NAV2: variants seen among roughly 807,000 people sequenced by gnomAD.
NAV2 encodes the protein neuron navigator 2.
In NAV2, 54 loss-of-function variants were observed where a neutral mutation model predicts 223.2. The ratio of observed to expected loss-of-function variants is 0.24; its 90% CI spans 0.19 to 0.30. The LOEUF (loss-of-function observed/expected upper bound fraction) is 0.30, where lower values mean the gene tolerates loss of function less well. Ranked by LOEUF, NAV2 falls within the 10% of genes least tolerant of loss-of-function variation. The pLI, the probability that NAV2 is intolerant of heterozygous loss-of-function variation, is 1.00. For synonymous variants in NAV2, 1,279 were observed against 1,239.3 expected (o/e 1.03, Z -0.67); for missense variants, 2,806 against 3,147.5 (o/e 0.89, Z 2.60).
At chr11:19,921,540 T>A (rs2044271122) in intron 6 of NAV2, among the ~76,000 whole-genome samples, 1 of 152,222 alleles carries the variant, frequency 6.6e-6, no homozygotes, top group African/African-American at 2.4e-5. Context: ...GTCAACAAAC[T>A]TTGTTGTAAA....
At chr11:19,473,911 G>A (rs2042039002) in intron 1 of NAV2, among the ~76,000 whole-genome samples, 1 of 152,202 alleles carries the variant, frequency 6.6e-6, no homozygotes, top group Non-Finnish European at 1.5e-5. Context: ...GACATAAAAG[G>A]TTATGACCTC....
intron 1 of NAV2, among the ~76,000 whole-genome samples, chr11:19,823,880 A>G (rs1410491985): frequency 2.0e-5 from 3 of 151,948 alleles, no homozygotes; most frequent in African/African-American, 7.3e-5. Flanking sequence ...ACAAACCTGC[A>G]CGTTCTACAC....
chr11:19,982,231 T>G (rs963147858), intron 10 of NAV2, among the ~76,000 whole-genome samples: 5 of 142,894 alleles, frequency 3.5e-5, no homozygotes, highest in Non-Finnish European at 7.5e-5. Flanking sequence ...TATTTATTTT[T>G]GGGGTTTTCT....
At chr11:20,075,080 T>A (rs1476814616) in intron 22 of NAV2, among the ~76,000 whole-genome samples, 1 of 152,248 alleles carries the variant, frequency 6.6e-6, no homozygotes, top group Non-Finnish European at 1.5e-5. Flanking sequence ...ATCCAGGCCC[T>A]GGCCTGTTTC....
At chr11:19,869,128 T>C in intron 4 of NAV2, 131 bp downstream of exon 4, 1 of 856,934 alleles carries the variant, frequency 1.2e-6, no homozygotes, top group Non-Finnish European at 1.8e-6. Flanking sequence ...TTCCTTTATG[T>C]TGCTCAGTGG....
At chr11:19,705,649 C>T (rs1012181144) in intron 1 of NAV2, among the ~76,000 whole-genome samples, 1 of 151,890 alleles carries the variant, frequency 6.6e-6, no homozygotes, top group Admixed American at 6.6e-5. Context: ...CCTTCTGTGC[C>T]AAAACAACCC....
intron 6 of NAV2, among the ~76,000 whole-genome samples, chr11:19,897,223 G>T (rs573777813): frequency 5.1e-4 from 77 of 152,162 alleles, no homozygotes; most frequent in African/African-American, 1.8e-3. Flanking sequence ...TCACACACCG[G>T]GGCCTGTTGT....
intron 4 of NAV2, among the ~76,000 whole-genome samples, chr11:19,870,039 C>T (rs2062375597): frequency 2.0e-5 from 3 of 152,074 alleles, no homozygotes; most frequent in Admixed American, 6.5e-5. Flanking sequence ...GGATGTATTG[C>T]GTCTCTGAGT....
At chr11:19,662,066 A>G (rs1461015678) in intron 1 of NAV2, among the ~76,000 whole-genome samples, 2 of 152,212 alleles carry the variant, frequency 1.3e-5, no homozygotes, top group Admixed American at 1.3e-4. Flanking sequence ...AAGTGGGGGT[A>G]CAGCAGCCAC....
intron 31 of NAV2, 101 bp from the exon 32 acceptor site, chr11:20,100,836 G>A (rs957128356): frequency 6.3e-6 from 6 of 946,802 alleles, no homozygotes; most frequent in South Asian, 3.0e-5. Context: ...GGACTGCCGA[G>A]GAGAGGAATC....
At chr11:19,423,308 C>T (rs533631719) in intron 1 of NAV2, among the ~76,000 whole-genome samples, 1 of 152,320 alleles carries the variant, frequency 6.6e-6, no homozygotes, top group East Asian at 1.9e-4. Flanking sequence ...CTGGTAAGCA[C>T]CCAACCACTG....
intron 1 of NAV2, among the ~76,000 whole-genome samples, chr11:19,393,157 T>A (rs2133233061): frequency 6.6e-6 from 1 of 152,338 alleles, no homozygotes; most frequent in East Asian, 1.9e-4. Flanking sequence ...ATCCCTCTTT[T>A]CTCTTTGAAA....
At chr11:19,477,909 C>T (rs145655220) in intron 1 of NAV2, among the ~76,000 whole-genome samples, 101 of 152,222 alleles carry the variant, frequency 6.6e-4, no homozygotes, top group African/African-American at 2.3e-3. Flanking sequence ...GGGTGGCCTT[C>T]AGAATATAGC....
intron 11 of NAV2, among the ~76,000 whole-genome samples, chr11:20,023,695 G>A (rs2584835): frequency 0.28 from 32,050 of 115,472 alleles, 4,151 homozygotes; most frequent in African/African-American, 0.45. Flanking sequence ...ACAGCAAATT[G>A]CTGGGTGTGT....
At chr11:20,053,977 T>C in intron 17 of NAV2, 103 bp from the exon 18 acceptor site, 1 of 1,206,766 alleles carries the variant, frequency 8.3e-7, no homozygotes. Flanking sequence ...AAAATCATCT[T>C]CGGATATATG....
rs1040736510 is a variant in NAV2 at position 19,462,136 on chromosome 11, T to C, written c.75+111109T>C. Among the ~76,000 whole-genome samples, 3 of 152,214 alleles carry C rather than the reference T, an allele frequency of 2.0e-5. No individual in the cohort carries two copies. In the South Asian group the frequency reaches 6.2e-4, roughly 32 times the overall value. On this transcript the variant is annotated intron_variant, in intron 1 of 37. Coordinates refer to the NAV2 transcript ENST00000360655. ...AAAATAAATTTCTTAATATGAGTTGTGCTGAAAGGTTTGAAAGCCACTGGC... is the reference window on the plus strand; with the variant it reads ...AAAATAAATTTCTTAATATGAGTTGCGCTGAAAGGTTTGAAAGCCACTGGC...
At chr11:19,686,933 G>A (rs1352869463) in intron 1 of NAV2, among the ~76,000 whole-genome samples, 2 of 152,148 alleles carry the variant, frequency 1.3e-5, no homozygotes, top group Admixed American at 6.5e-5. Flanking sequence ...ATATGAGGCG[G>A]GCACTATTAT....
chr11:19,390,284 C>T (rs1849197605), intron 1 of NAV2, among the ~76,000 whole-genome samples: 1 of 152,062 alleles, frequency 6.6e-6, no homozygotes, highest in African/African-American at 2.4e-5. Flanking sequence ...AGTCCTGGGC[C>T]CACAGTTTTC....
Position 19,998,335 on chromosome 11 carries a change from T to G in NAV2, c.2768+14088T>G, listed in dbSNP as rs1004197240. 1.3e-5 allele frequency among the ~76,000 whole-genome samples: 2 copies of G among 151,828 alleles called. No individual in the cohort carries two copies. The highest frequency in any genetic ancestry group is 2.9e-5 in the Non-Finnish European group (2 of 67,968). On this transcript the variant is annotated intron_variant, in intron 11 of 37. Transcript: ENST00000349880. This position sits in a 1 kb window ranked among gnomAD's most constrained non-coding sequence, Gnocchi z 5.0. ...TCTCTCATTGGCCATGGTGCAGGGG[T>G]CTAGGCTGCCGTCCTCTCTCATCTG...
Sources: allele counts gnomAD v4.1 joint callset (sites outside exome capture counted in the v4.1 genomes callset), GRCh38; gene constraint gnomAD v4.1.1; non-coding constraint Gnocchi (gnomAD v3.1); transcripts MANE v1.5; gene names NCBI Gene and HGNC (gene_info 2026-07-23, HGNC 2026-07-21).